KCNH8: variants seen among roughly 807,000 people sequenced by gnomAD.
KCNH8 encodes potassium voltage-gated channel subfamily H member 8.
Under a neutral mutation model 103.6 loss-of-function variants are expected in KCNH8, and 70 were observed. That is an observed-to-expected ratio of 0.68 (90% CI 0.56 to 0.82). The LOEUF (loss-of-function observed/expected upper bound fraction) is 0.82, where lower values mean the gene tolerates loss of function less well. Among genes scored for constraint, KCNH8 ranks in the 40% least tolerant of loss-of-function variants. KCNH8 has a pLI of 0.00. For missense variants in KCNH8, 1,217 were observed against 1,329.9 expected, an observed-to-expected ratio of 0.92 and a Z score of 1.32; for synonymous variants, 498 against 489.4, an observed-to-expected ratio of 1.02 and a Z score of -0.23.
chr3:19,341,297 A>C (rs1310854244), intron 3 of KCNH8, among the ~76,000 whole-genome samples: 1 of 152,102 alleles, frequency 6.6e-6, no homozygotes, highest in African/African-American at 2.4e-5. Flanking sequence ...AACGCCTAAG[A>C]TCACCAGCTC....
intron 5 of KCNH8, among the ~76,000 whole-genome samples, chr3:19,380,169 A>G (rs2066269713): frequency 6.6e-6 from 1 of 152,210 alleles, no homozygotes; most frequent in Non-Finnish European, 1.5e-5. Flanking sequence ...ATCTAAACAG[A>G]TACAGGAACA....
rs1458665347 is a variant in KCNH8 at position 19,390,564 on chromosome 3, G to A, written c.895G>A (p.Val299Ile). Residue 299 changes from valine (V) to isoleucine (I), a missense_variant, in exon 6 of 16, where the codon GTC (valine) becomes ATC (isoleucine). This residue lies in a region of KCNH8 where 415 missense variants were observed against 577.4 expected (regional missense o/e 0.72). Coordinates refer to ENST00000328405, the MANE Select transcript of KCNH8 (RefSeq NM_144633.3). ...AGCAAGATCAATTTGCATCCACTAT[G>A]TCACAACCTGGTTCATCATTGATTT... ...FEARSICIHY[V>I]TTWFIIDLIA... 6.2e-7 allele frequency: 1 copy of A among 1,613,316 alleles called. No individual in the cohort carries two copies. The highest frequency in any genetic ancestry group is 8.5e-7 in the Non-Finnish European group (1 of 1,179,572).
chr3:19,287,998 A>G (rs1482830925), intron 3 of KCNH8, among the ~76,000 whole-genome samples: 1 of 151,764 alleles, frequency 6.6e-6, no homozygotes, highest in Non-Finnish European at 1.5e-5. Context: ...TACCCAGGAG[A>G]ATTTTCCCTC....
chr3:19,512,978 C>G lies in KCNH8; in HGVS notation c.2088C>G (p.Pro696=). The change falls in exon 13 of 16, where the codon CCC becomes CCG. Residue 696 remains proline, a synonymous_variant. Transcript: ENST00000328405. The part of the protein sequence containing the change: ...SNKSMVSQSE[P]KGNGNINKRL... ...ATTATCCACTGATTTAGTCAGAGCC[C>G]AAGGGAAATGGCAACATCAACAAGC... The G allele has an allele frequency of 6.2e-7, 1 of 1,612,808 alleles. No individual in the cohort carries two copies. Among genetic ancestry groups the G allele is most frequent in the South Asian group, 1.1e-5 (1 of 90,980 alleles).
chr3:19,433,723 T>C (rs1407883650), intron 7 of KCNH8, among the ~76,000 whole-genome samples: 5 of 152,208 alleles, frequency 3.3e-5, no homozygotes, highest in African/African-American at 1.2e-4. Context: ...TTTGTGAGAA[T>C]CAGACTGACA....
At chr3:19,320,799 T>C (rs1395462804) in intron 3 of KCNH8, among the ~76,000 whole-genome samples, 2 of 151,924 alleles carry the variant, frequency 1.3e-5, no homozygotes, top group Non-Finnish European at 2.9e-5. Flanking sequence ...GCTGTGAATC[T>C]ATCTGGTCCT....
chr3:19,501,184 GGATA>G lies in KCNH8; in HGVS notation c.2041-9178_2041-9175del, dbSNP rs2068574588. 2.6e-5 allele frequency among the ~76,000 whole-genome samples: 4 copies of G among 151,676 alleles called. No homozygotes were observed. In the South Asian group the frequency reaches 8.3e-4, roughly 32 times the overall value. ...ATAAACTGCAAAATCTAGAAAAAATGGATAAATTCCTCGACACATACACTCTCCC... is the reference window on the plus strand; with the variant it reads ...ATAAACTGCAAAATCTAGAAAAAATGAATTCCTCGACACATACACTCTCCC... On this transcript the variant is annotated intron_variant, in intron 11 of 15. Coordinates refer to ENST00000328405, the MANE Select transcript of KCNH8 (RefSeq NM_144633.3).
At chr3:19,524,126 G>C (rs1315626581) in intron 15 of KCNH8, among the ~76,000 whole-genome samples, 1 of 151,854 alleles carries the variant, frequency 6.6e-6, no homozygotes, top group East Asian at 1.9e-4. Flanking sequence ...TTAAGGTAAA[G>C]TTGATTCCTT....
At chr3:19,157,806 T>A (rs961689634) in intron 1 of KCNH8, among the ~76,000 whole-genome samples, 1 of 151,940 alleles carries the variant, frequency 6.6e-6, no homozygotes, top group Non-Finnish European at 1.5e-5. Context: ...ACTGAATTGT[T>A]GTTTTTCCCT....
intron 7 of KCNH8, among the ~76,000 whole-genome samples, chr3:19,413,339 G>T (rs2066811670): frequency 6.6e-6 from 1 of 151,936 alleles, no homozygotes; most frequent in Non-Finnish European, 1.5e-5. Context: ...GGTGCTCATG[G>T]ACATAAATAT....
chr3:19,451,244 C>T lies in KCNH8; in HGVS notation c.1665C>T (p.Ala555=). The T allele has an allele frequency of 6.2e-7, 1 of 1,613,854 alleles. No individual in the cohort carries two copies. Among genetic ancestry groups the T allele is most frequent in the Non-Finnish European group, 8.5e-7 (1 of 1,179,856 alleles). ...TACAGTTGTCCCTTTTTGAATGTGCCAGCCGGGGCTGCCTCAGGTCTCTGT... is the reference window on the plus strand; with the variant it reads ...TACAGTTGTCCCTTTTTGAATGTGCTAGCCGGGGCTGCCTCAGGTCTCTGT... ...EILQLSLFEC[A]SRGCLRSLSL... is the part of the protein sequence containing the mutation. Residue 555 remains alanine (A), a synonymous_variant, in exon 10 of 16, where the codon GCC becomes GCT. Transcript: ENST00000328405.
chr3:19,411,529 G>T (rs772629703), intron 7 of KCNH8, among the ~76,000 whole-genome samples: 11 of 151,972 alleles, frequency 7.2e-5, no homozygotes, highest in Admixed American at 2.6e-4. Flanking sequence ...TCAGTCGAGA[G>T]AAAGAAATAA....
chr3:19,343,283 C>T (rs1321727518), intron 4 of KCNH8, among the ~76,000 whole-genome samples: 1 of 151,992 alleles, frequency 6.6e-6, no homozygotes, highest in Non-Finnish European at 1.5e-5. Flanking sequence ...TAGTAAATTA[C>T]AATAGAGTTG....
At chr3:19,458,588 T>C (rs1033624961) in intron 11 of KCNH8, among the ~76,000 whole-genome samples, 1 of 151,970 alleles carries the variant, frequency 6.6e-6, no homozygotes, top group African/African-American at 2.4e-5. Context: ...ACGTTTATCA[T>C]TTATTTGTGG....
chr3:19,464,950 A>G (rs1170267707), intron 11 of KCNH8, among the ~76,000 whole-genome samples: 3 of 152,200 alleles, frequency 2.0e-5, no homozygotes, highest in Non-Finnish European at 4.4e-5. Flanking sequence ...AATTGAGATT[A>G]GCAGAAATAG....
chr3:19,485,878 T>C (rs2068195869), intron 11 of KCNH8, among the ~76,000 whole-genome samples: 1 of 152,250 alleles, frequency 6.6e-6, no homozygotes, highest in Non-Finnish European at 1.5e-5. Context: ...ATATTTTATG[T>C]CCTTTCCCCC....
At chr3:19,520,493 G>A (rs967043395) in intron 15 of KCNH8, among the ~76,000 whole-genome samples, 2 of 151,724 alleles carry the variant, frequency 1.3e-5, no homozygotes, top group East Asian at 3.9e-4. Context: ...ACTTCAAACT[G>A]TAAAATTATC....
At chr3:19,270,089 C>A (rs1397897530) in intron 2 of KCNH8, among the ~76,000 whole-genome samples, 1 of 152,116 alleles carries the variant, frequency 6.6e-6, no homozygotes, top group African/African-American at 2.4e-5. Flanking sequence ...GCTTCTACAT[C>A]AAATGTTGGC....
At chr3:19,370,846 G>C (rs923549459) in intron 5 of KCNH8, among the ~76,000 whole-genome samples, 2 of 150,910 alleles carry the variant, frequency 1.3e-5, no homozygotes, top group African/African-American at 4.9e-5. Flanking sequence ...ACCTATGAGT[G>C]AGAATATGCG....
Sources: allele counts gnomAD v4.1 joint callset (sites outside exome capture counted in the v4.1 genomes callset), GRCh38; gene constraint gnomAD v4.1.1; regional missense constraint gnomAD v4.1.1; transcripts MANE v1.5; gene names NCBI Gene and HGNC (gene_info 2026-07-23, HGNC 2026-07-21).